The following TMEM108 variants were observed in gnomAD, a reference collection of about 807,000 sequenced individuals.
TMEM108 encodes transmembrane protein 108, also known as cancer/testis antigen 124.
A neutral mutation model predicts 35.1 loss-of-function variants in TMEM108; 12 were observed. That is an observed-to-expected ratio of 0.34 (90% CI 0.22 to 0.55). The LOEUF (loss-of-function observed/expected upper bound fraction) is 0.55, where lower values mean the gene tolerates loss of function less well. TMEM108 is among the 20% of genes least tolerant of loss of function. TMEM108 has a pLI of 0.89. For missense variants in TMEM108, 680 were observed against 753.3 expected, an observed-to-expected ratio of 0.90 and a Z score of 1.14; for synonymous variants, 287 against 308.6, an observed-to-expected ratio of 0.93 and a Z score of 0.73.
chr3:133,179,987 T>C (rs13323117), intron 2 of TMEM108, among the ~76,000 whole-genome samples: 41,380 of 151,742 alleles, frequency 0.27, 5,898 homozygotes, highest in Middle Eastern at 0.38. Context: ...TAACTTAAAA[T>C]ATCTCGAAAA....
intron 3 of TMEM108, among the ~76,000 whole-genome samples, chr3:133,349,529 A>G (rs1202384283): frequency 1.3e-5 from 2 of 152,162 alleles, no homozygotes; most frequent in Non-Finnish European, 2.9e-5. Flanking sequence ...ATGGGAGAAA[A>G]TATTTGCAAA....
At chr3:133,102,042 C>T (rs1944095594) in intron 2 of TMEM108, among the ~76,000 whole-genome samples, 1 of 152,212 alleles carries the variant, frequency 6.6e-6, no homozygotes, top group South Asian at 2.1e-4. Flanking sequence ...GATTCATATT[C>T]ATATTCCATT....
At position 133,380,552 on chromosome 3, in the gene TMEM108, C is replaced by T. The variant is rs779231884; in HGVS notation, c.841C>T (p.Arg281Cys). 5.0e-5 allele frequency: 80 copies of T among 1,613,890 alleles called. No individual in the cohort carries two copies. The highest frequency in any genetic ancestry group is 6.0e-5 in the Non-Finnish European group (71 of 1,179,996). The change falls in exon 4 of 6, where the codon CGC becomes TGC. Residue 281 changes from arginine to cysteine, a missense_variant. Transcript: ENST00000321871. The surrounding 1 kb of genome is among the most constrained non-coding windows in gnomAD (Gnocchi z 5.3). ...GCCTGCAAAGGACAAGCCAGGCCTTCGCAGAGCAGCCCAGGGGGGTGGTTC... is the reference window on the plus strand; with the variant it reads ...GCCTGCAAAGGACAAGCCAGGCCTTTGCAGAGCAGCCCAGGGGGGTGGTTC... The part of the protein sequence containing the change: ...LGPAKDKPGL[R>C]RAAQGGGSTF...
rs543153501 is a variant in TMEM108 at position 133,156,117 on chromosome 3, A to G, written c.-46-73149A>G. 3.3e-5 allele frequency among the ~76,000 whole-genome samples: 4 copies of G among 122,262 alleles called. 1 individual carries two copies. Among genetic ancestry groups the G allele is most frequent in the African/African-American group, 1.2e-4 (4 of 33,162 alleles). 80.2% of individuals were successfully genotyped at this position (122,262 alleles called of 152,430 possible). On this transcript the variant is annotated intron_variant, in intron 2 of 5. Transcript: ENST00000321871. ...TTTTTGGTAGGGATAAGGTTTTGCT[A>G]TGTTGCCCAGGCCTACACTTAATTT...
chr3:133,227,075 C>T (rs1946082329), intron 2 of TMEM108, among the ~76,000 whole-genome samples: 3 of 152,258 alleles, frequency 2.0e-5, no homozygotes, highest in Non-Finnish European at 2.9e-5. Flanking sequence ...CCACCAGGTC[C>T]TTCCCACAAC....
rs532090280 is a variant in TMEM108, at chr3:133,188,550, G to C, written c.-46-40716G>C. 3.6e-3 allele frequency among the ~76,000 whole-genome samples: 547 copies of C among 151,962 alleles called. 4 individuals are homozygous for C. The highest frequency in any genetic ancestry group is 0.013 in the African/African-American group (523 of 41,414). On this transcript the variant is annotated intron_variant, in intron 2 of 5. Transcript: ENST00000321871. ...AGAAAATTACTTCCTTGGACCATGA[G>C]CCCAAAGGGCAATAAACACTGTCCG...
intron 2 of TMEM108, among the ~76,000 whole-genome samples, chr3:133,219,983 A>C (rs1945964474): frequency 6.6e-6 from 1 of 151,846 alleles, no homozygotes; most frequent in South Asian, 2.1e-4. Flanking sequence ...TTATGTATGT[A>C]GGTGCTCCAA....
At chr3:133,394,895 A>G (rs2073284120) in intron 5 of TMEM108, among the ~76,000 whole-genome samples, 1 of 152,270 alleles carries the variant, frequency 6.6e-6, no homozygotes, top group Admixed American at 6.5e-5. Context: ...ATTGTGGCTA[A>G]GCAAATCTGG....
At chr3:133,070,044 A>G (rs1049904908) in intron 2 of TMEM108, among the ~76,000 whole-genome samples, 1 of 152,110 alleles carries the variant, frequency 6.6e-6, no homozygotes, top group African/African-American at 2.4e-5. Flanking sequence ...ATCATACCTC[A>G]TTCAATGGTG....
intron 2 of TMEM108, among the ~76,000 whole-genome samples, chr3:133,180,215 T>A (rs1374545699): frequency 6.6e-6 from 1 of 152,148 alleles, no homozygotes; most frequent in Admixed American, 6.6e-5. Flanking sequence ...ATAAATAAAT[T>A]CAAAATGTTC....
intron 2 of TMEM108, among the ~76,000 whole-genome samples, chr3:133,185,212 C>A (rs1945401304): frequency 4.6e-5 from 7 of 152,080 alleles, no homozygotes; most frequent in Non-Finnish European, 1.5e-5. Context: ...TTGCTTCCTG[C>A]CACAAATTCT....
chr3:133,309,770 G>T (rs1244225135), intron 3 of TMEM108, among the ~76,000 whole-genome samples: 4 of 128,608 alleles, frequency 3.1e-5, no homozygotes, highest in African/African-American at 1.2e-4. Flanking sequence ...GCGGGATCTC[G>T]GCTCACTGCA....
intron 2 of TMEM108, among the ~76,000 whole-genome samples, chr3:133,155,036 G>A (rs1944859526): frequency 6.6e-6 from 1 of 152,024 alleles, no homozygotes; most frequent in African/African-American, 2.4e-5. Flanking sequence ...AGTCCCCAGT[G>A]TCTGTTGTTC....
intron 3 of TMEM108, among the ~76,000 whole-genome samples, chr3:133,345,576 C>G (rs910450263): frequency 2.6e-5 from 4 of 151,744 alleles, no homozygotes; most frequent in African/African-American, 9.7e-5. Context: ...ATAAGAGTTA[C>G]AAACTTATGA....
At chr3:133,358,015 T>C (rs1207022770) in intron 3 of TMEM108, among the ~76,000 whole-genome samples, 1 of 152,140 alleles carries the variant, frequency 6.6e-6, no homozygotes, top group Non-Finnish European at 1.5e-5. Context: ...TGTTGCCCAG[T>C]TGTTACATGA....
intron 3 of TMEM108, among the ~76,000 whole-genome samples, chr3:133,261,101 G>A (rs11718689): frequency 0.31 from 46,468 of 152,066 alleles, 7,830 homozygotes; most frequent in East Asian, 0.47. Context: ...CACACGGACA[G>A]TGAGAAATCA....
intron 2 of TMEM108, among the ~76,000 whole-genome samples, chr3:133,166,754 G>A (rs1945044772): frequency 6.6e-6 from 1 of 152,226 alleles, no homozygotes; most frequent in Non-Finnish European, 1.5e-5. Context: ...GACCCAAAGA[G>A]TGAGCAGCAG....
At chr3:133,340,605 C>G (rs2071633940) in intron 3 of TMEM108, among the ~76,000 whole-genome samples, 1 of 150,640 alleles carries the variant, frequency 6.6e-6, no homozygotes, top group East Asian at 1.9e-4. Context: ...GACAGAGACA[C>G]ATCAAAAAAA....
intron 2 of TMEM108, among the ~76,000 whole-genome samples, chr3:133,205,432 T>C (rs12633060): frequency 0.34 from 52,143 of 151,940 alleles, 9,368 homozygotes; most frequent in East Asian, 0.47. Flanking sequence ...GTTTTTGGAG[T>C]GGCTGGTACT....
Sources: gnomAD v4.1 joint callset for allele counts (sites outside exome capture counted in the v4.1 genomes callset) on GRCh38, gnomAD v4.1.1 for gene constraint, Gnocchi (gnomAD v3.1) non-coding constraint, MANE v1.5 for transcripts, NCBI Gene and HGNC (gene_info 2026-07-23, HGNC 2026-07-21) for gene names.